The following SKOR1 variants were observed in gnomAD, a reference collection of about 807,000 sequenced individuals.
SKOR1 encodes LBX1 corepressor 1.
A neutral mutation model predicts 72.4 loss-of-function variants in SKOR1; 38 were observed. The ratio of observed to expected loss-of-function variants is 0.52; its 90% CI spans 0.40 to 0.69. The LOEUF (loss-of-function observed/expected upper bound fraction) is 0.69. SKOR1 is among the 30% of genes least tolerant of loss of function. The pLI is 0.00. For synonymous variants in SKOR1, 642 were observed against 599.4 expected (o/e 1.07, Z -1.04); for missense variants, 1,320 against 1,343.2 (o/e 0.98, Z 0.27).
At position 67,828,002 on chromosome 15, in the gene SKOR1, C is replaced by T. The variant is rs1327359790; in HGVS notation, c.2174C>T (p.Pro725Leu). The change falls in exon 2 of 9, where the codon CCA becomes CTA. Residue 725 changes from proline to leucine, a missense_variant. By Grantham distance (98) the Pro-to-Leu change is moderately conservative. Transcript: ENST00000380035. ...CCCCGCCCCCGGCGCCGCCTCGGGC[C>T]ACCCCCAGCTGGCCGGCCCGCATTT... ...GSPRPRRRLG[P>L]PPAGRPAFGD... is the part of the protein sequence containing the mutation. 7.1e-6 allele frequency: 11 copies of T among 1,539,656 alleles called. No individual in the cohort carries two copies. The Admixed American group carries it at 2.0e-4, about 28-fold the overall frequency.
chr15:67,826,701 T>C lies in SKOR1; in HGVS notation c.873T>C (p.Asn291=), dbSNP rs182410854. ...SLQGGGGGGA[N]GGSGGQGKGG... Reference sequence around the variant, plus strand: ...AAGGAGGCGGCGGAGGCGGTGCCAATGGCGGGTCGGGTGGGCAGGGGAAGG... The same window carrying C: ...AAGGAGGCGGCGGAGGCGGTGCCAACGGCGGGTCGGGTGGGCAGGGGAAGG... Residue 291 remains asparagine (N), a synonymous_variant, in exon 2 of 9, where the codon AAT becomes AAC. Transcript: ENST00000380035. 114 of 1,125,084 alleles carry C rather than the reference T, an allele frequency of 1.0e-4. No individual in the cohort carries two copies. The African/African-American group carries it at 1.5e-3, about 15-fold the overall frequency. 69.7% of individuals were successfully genotyped at this position (1,125,084 alleles called of 1,614,324 possible).
rs555609913 is a variant in SKOR1 at position 67,834,189 on chromosome 15, A to T, written c.*353A>T. Reference sequence around the variant, plus strand: ...AGCCTTGAACCCGATTGTGAATACAATGTAGCAACTTCGCTGGCGCCTGCC... The same window carrying T: ...AGCCTTGAACCCGATTGTGAATACATTGTAGCAACTTCGCTGGCGCCTGCC... On this transcript the variant is annotated 3_prime_UTR_variant, in exon 9 of 9. Coordinates refer to ENST00000380035, the MANE Select transcript of SKOR1 (RefSeq NM_001365915.1). The surrounding 1 kb of genome is among the most constrained non-coding windows in gnomAD (Gnocchi z 5.8). The T allele has an allele frequency of 8.6e-6, 3 of 348,212 alleles. No homozygotes were observed. In the Admixed American group the frequency reaches 1.2e-4, roughly 13 times the overall value. 21.6% of individuals were successfully genotyped at this position (348,212 alleles called of 1,614,324 possible).
At chr15:67,830,378 C>A in intron 4 of SKOR1, 80 bp downstream of exon 4, 4 of 1,206,968 alleles carry the variant, frequency 3.3e-6, no homozygotes, top group East Asian at 2.4e-5. Context: ...CAGAGGCTTG[C>A]GAGAAAGGCT....
In SKOR1 at chr15:67,827,069, T is replaced by C. The variant is rs2090965437; in HGVS notation, c.1241T>C (p.Leu414Ser). The change falls in exon 2 of 9, where the codon TTA (leucine) becomes TCA (serine). Residue 414 changes from leucine to serine, a missense_variant. Transcript: ENST00000380035. ...TGCCCCAAAAAGGACGACCCGGTTT[T>C]AGGCGCGGGCGAGCCAAAGGGCGGT... ...GLCPKKDDPV[L>S]GAGEPKGGPG... is the part of the protein sequence containing the mutation. 6.5e-7 allele frequency: 1 copy of C among 1,533,386 alleles called. No individual in the cohort carries two copies. The highest frequency in any genetic ancestry group is 8.7e-7 in the Non-Finnish European group (1 of 1,147,366). 95.0% of individuals were successfully genotyped at this position (1,533,386 alleles called of 1,614,324 possible).
At position 67,827,281 on chromosome 15, in the gene SKOR1, T is replaced by A. The variant is rs2090968677; in HGVS notation, c.1453T>A (p.Tyr485Asn). 2 of 1,584,652 alleles carry A rather than the reference T, an allele frequency of 1.3e-6. No individual in the cohort carries two copies. Among genetic ancestry groups the A allele is most frequent in the Admixed American group, 1.7e-5 (1 of 58,966 alleles). ...TGCAGCGGCCGCCGCCGCCACTGTG[T>A]ACCCGACGTTTCCCATGTTCTGGCC... ...VAAAAAAATV[Y>N]PTFPMFWPAA... Residue 485 changes from tyrosine to asparagine, a missense_variant, in exon 2 of 9, where the codon TAC becomes AAC. Physicochemically the swap from Tyr to Asn is moderately radical, Grantham distance 143. Transcript: ENST00000380035.
At position 67,827,634 on chromosome 15, in the gene SKOR1, C is replaced by G. The variant is rs557655883; in HGVS notation, c.1806C>G (p.Thr602=). The change falls in exon 2 of 9, where the codon ACC becomes ACG. Residue 602 remains threonine (T), a synonymous_variant. Transcript: ENST00000380035. ...VSAFRPVVKD[T]ESIAKLYGSA... is the part of the protein sequence containing the mutation. ...CCTTCCGGCCGGTGGTCAAGGACAC[C>G]GAGAGCATCGCTAAGCTCTACGGGA... 1.3e-6 allele frequency: 2 copies of G among 1,531,250 alleles called. No homozygotes were observed. The highest frequency in any genetic ancestry group is 2.4e-5 in the South Asian group (2 of 83,498). 94.9% of individuals were successfully genotyped at this position (1,531,250 alleles called of 1,614,324 possible).
rs972461654 is a variant in SKOR1 at position 67,827,696 on chromosome 15, G to C, written c.1868G>C (p.Gly623Ala). 16 of 1,537,722 alleles carry C rather than the reference G, an allele frequency of 1.0e-5. No homozygotes were observed. The Admixed American group carries it at 1.6e-4, about 15-fold the overall frequency. ...GCGTACGGCGCGGGGCCTGCTCGGGGGCCGGGACCCGGCGCTGGGAGCGGC... is the reference window on the plus strand; with the variant it reads ...GCGTACGGCGCGGGGCCTGCTCGGGCGCCGGGACCCGGCGCTGGGAGCGGC... ...REAYGAGPAR[G>A]PGPGAGSGGY... The change falls in exon 2 of 9, where the codon GGG (glycine) becomes GCG (alanine). Residue 623 changes from glycine to alanine, a missense_variant. Physicochemically the swap from Gly to Ala is moderately conservative, Grantham distance 60. This residue lies in a region of SKOR1 where 1,099 missense variants were observed against 1,025.5 expected (regional missense o/e 1.07). Transcript: ENST00000380035.
Position 67,833,294 on chromosome 15 carries a change from G to C in SKOR1, c.2803+37G>C. ...GGGAAACAAAGATAGGAGGGGTGCTGGGTGCCGGCCGTGCTGTCGACTGAA... is the reference window on the plus strand; with the variant it reads ...GGGAAACAAAGATAGGAGGGGTGCTCGGTGCCGGCCGTGCTGTCGACTGAA... On this transcript the variant is annotated intron_variant, in intron 8 of 8. Transcript: ENST00000380035. This position sits in a 1 kb window ranked among gnomAD's most constrained non-coding sequence, Gnocchi z 6.0. 6.2e-7 allele frequency: 1 copy of C among 1,608,880 alleles called. No individual in the cohort carries two copies. The highest frequency in any genetic ancestry group is 8.5e-7 in the Non-Finnish European group (1 of 1,175,630).
Position 67,826,251 on chromosome 15 carries a change from C to T in SKOR1, c.423C>T (p.Ala141=). The T allele has an allele frequency of 6.2e-7, 1 of 1,613,038 alleles. No individual in the cohort carries two copies. Among genetic ancestry groups the T allele is most frequent in the East Asian group, 2.2e-5 (1 of 44,880 alleles). ...TPVQLEILRR[A]GAMPISSRRC... ...TACAGCTGGAGATTCTGCGTCGGGC[C>T]GGGGCCATGCCCATCTCGTCGCGCC... The change falls in exon 2 of 9, where the codon GCC becomes GCT. Residue 141 remains alanine (A), a synonymous_variant. Coordinates refer to ENST00000380035, the MANE Select transcript of SKOR1 (RefSeq NM_001365915.1).
Position 67,834,079 on chromosome 15 carries a change from C to G in SKOR1, c.*243C>G. On this transcript the variant is annotated 3_prime_UTR_variant, in exon 9 of 9. Transcript: ENST00000380035. This position sits in a 1 kb window ranked among gnomAD's most constrained non-coding sequence, Gnocchi z 5.8. ...GCCTCGCGCCTCAAATCCCCCTACC[C>G]CGTGTGAACTCTAGGGCATCGGACC... The G allele has an allele frequency of 1.8e-6, 1 of 565,388 alleles. No homozygotes were observed. The highest frequency in any genetic ancestry group is 3.2e-6 in the Non-Finnish European group (1 of 312,940). 35.0% of individuals were successfully genotyped at this position (565,388 alleles called of 1,614,324 possible).
In SKOR1 at chr15:67,830,312, T is replaced by TGAACC. The variant is rs548434727; in HGVS notation, c.2515+15_2515+19dup. Reference sequence around the variant, plus strand: ...ATACAGACAGAGGTGAGCCAGCCCTTGAACCCATCGCTCTCCACCGCACCC... The same window carrying TGAACC: ...ATACAGACAGAGGTGAGCCAGCCCTTGAACCGAACCCATCGCTCTCCACCGCACCC... On this transcript the variant is annotated intron_variant, in intron 4 of 8. Coordinates refer to ENST00000380035, the MANE Select transcript of SKOR1 (RefSeq NM_001365915.1). The TGAACC allele has an allele frequency of 5.2e-3, 8,429 of 1,612,448 alleles. 27 individuals carry two copies. Among genetic ancestry groups the TGAACC allele is most frequent in the Non-Finnish European group, 6.2e-3 (7,250 of 1,178,542 alleles).
rs766169670 is a variant in SKOR1 at position 67,832,060 on chromosome 15, G to A, written c.2588-214G>A. Among the ~76,000 whole-genome samples, 2 of 152,108 alleles carry A rather than the reference G, an allele frequency of 1.3e-5. No homozygotes were observed. Among genetic ancestry groups the A allele is most frequent in the African/African-American group, 2.4e-5 (1 of 41,390 alleles). On this transcript the variant is annotated intron_variant, in intron 5 of 8. Transcript: ENST00000380035. The surrounding 1 kb of genome is among the most constrained non-coding windows in gnomAD (Gnocchi z 4.5). The stretch of plus-strand genomic sequence containing the variant: ...CTGGAGCCAGGGCCTAGATTCCACC[G>A]TCCTGAATTTATTCTCCTGGGCATC...
At position 67,832,488 on chromosome 15, in the gene SKOR1, T is replaced by C. The variant is rs1443271955; in HGVS notation, c.2663-119T>C. The C allele has an allele frequency of 7.7e-7, 1 of 1,300,134 alleles. No individual in the cohort carries two copies. Among genetic ancestry groups the C allele is most frequent in the African/African-American group, 1.5e-5 (1 of 68,536 alleles). The allele number at this position is 1,300,134 out of a possible 1,614,324, so 80.5% of individuals were successfully genotyped here. ...ACAAGAAACTGTCCTTTTCCAGGGC[T>C]GCAGGCGAATGGCTGGGTGGGAGTT... On this transcript the variant is annotated intron_variant, in intron 6 of 8. Transcript: ENST00000380035. This position sits in a 1 kb window ranked among gnomAD's most constrained non-coding sequence, Gnocchi z 4.5.
In SKOR1 at chr15:67,828,068, G is replaced by A; in HGVS notation, c.2240G>A (p.Arg747Lys). Reference protein sequence around the residue: ...AAEDLVRRPERSPPSGGGGYE... With the variant: ...AAEDLVRRPEKSPPSGGGGYE... ...GAAGACTTGGTGCGGAGACCTGAGA[G>A]GAGCCCGCCAAGCGGCGGCGGCGGC... is the stretch of plus-strand genomic sequence containing the variant. Residue 747 changes from arginine (R) to lysine (K), a missense_variant, in exon 2 of 9, where the codon AGG becomes AAG. Physicochemically the swap from Arg to Lys is conservative, Grantham distance 26. Coordinates refer to ENST00000380035, the MANE Select transcript of SKOR1 (RefSeq NM_001365915.1). The A allele has an allele frequency of 6.5e-7, 1 of 1,531,018 alleles. No individual in the cohort carries two copies. Among genetic ancestry groups the A allele is most frequent in the South Asian group, 1.2e-5 (1 of 82,828 alleles). The allele number at this position is 1,531,018 out of a possible 1,614,324, so 94.8% of individuals were successfully genotyped here.
chr15:67,825,694 C>T lies in SKOR1; in HGVS notation c.92C>T (p.Ala31Val), dbSNP rs116336781. 3,200 of 745,484 alleles carry T rather than the reference C, an allele frequency of 4.3e-3. 47 individuals are homozygous for T. Among genetic ancestry groups the T allele is most frequent in the African/African-American group, 0.037 (2,115 of 57,820 alleles). 46.2% of individuals were successfully genotyped at this position (745,484 alleles called of 1,614,324 possible). A position where few individuals can be genotyped will look rare whatever the true frequency, so the allele number is the denominator to read the frequency against. ...GAAAACGGGATTGGGTTCCTTGCAGCCCGGGCATTCCTGAGGTCTCCTTTA... is the reference window on the plus strand; with the variant it reads ...GAAAACGGGATTGGGTTCCTTGCAGTCCGGGCATTCCTGAGGTCTCCTTTA... ...QSENGIGFLA[A>V]RAFLRSGGME... is the part of the protein sequence containing the mutation. The change falls in exon 1 of 9, where the codon GCC (alanine) becomes GTC (valine). Residue 31 changes from alanine (A) to valine (V), a missense_variant. This residue lies in a region of SKOR1 where 120 missense variants were observed against 104.9 expected (regional missense o/e 1.14). Coordinates refer to ENST00000380035, the MANE Select transcript of SKOR1 (RefSeq NM_001365915.1). The surrounding 1 kb of genome is among the most constrained non-coding windows in gnomAD (Gnocchi z 5.6).
chr15:67,828,623 G>T (rs1011841393), intron 2 of SKOR1, among the ~76,000 whole-genome samples: 1 of 152,098 alleles, frequency 6.6e-6, no homozygotes, highest in Non-Finnish European at 1.5e-5. Context: ...ACCCCAACTC[G>T]CAGTTTTCCG....
rs774689995 is a variant in SKOR1 at position 67,827,987 on chromosome 15, G to A, written c.2159G>A (p.Arg720Gln). The A allele has an allele frequency of 1.3e-6, 2 of 1,539,552 alleles. No individual in the cohort carries two copies. Among genetic ancestry groups the A allele is most frequent in the Non-Finnish European group, 1.7e-6 (2 of 1,144,810 alleles). ...CCCGACGGCGGCAGCCCCCGCCCCC[G>A]GCGCCGCCTCGGGCCACCCCCAGCT... ...NSPDGGSPRP[R>Q]RRLGPPPAGR... Residue 720 changes from arginine (R) to glutamine (Q), a missense_variant, in exon 2 of 9, where the codon CGG becomes CAG. This residue lies in a region of SKOR1 where 1,099 missense variants were observed against 1,025.5 expected (regional missense o/e 1.07). Transcript: ENST00000380035.
rs373896064 is a variant in SKOR1, at chr15:67,832,547, G to A, written c.2663-60G>A. On this transcript the variant is annotated intron_variant, in intron 6 of 8. Transcript: ENST00000380035. The surrounding 1 kb of genome is among the most constrained non-coding windows in gnomAD (Gnocchi z 4.5). Reference sequence around the variant, plus strand: ...GGGTGAAAGGGGGGGCCAGGAGTGAGAAAGTGGAGCCGGGAGAGGGGGCTG... The same window carrying A: ...GGGTGAAAGGGGGGGCCAGGAGTGAAAAAGTGGAGCCGGGAGAGGGGGCTG... 9.9e-6 allele frequency: 15 copies of A among 1,515,842 alleles called. No individual in the cohort carries two copies. Among genetic ancestry groups the A allele is most frequent in the African/African-American group, 6.8e-5 (5 of 73,000 alleles). 93.9% of individuals were successfully genotyped at this position (1,515,842 alleles called of 1,614,324 possible).
chr15:67,826,398 C>A lies in SKOR1; in HGVS notation c.570C>A (p.Gly190=). Residue 190 remains glycine (G), a synonymous_variant, in exon 2 of 9, where the codon GGC becomes GGA. Coordinates refer to ENST00000380035, the MANE Select transcript of SKOR1 (RefSeq NM_001365915.1). ...ATGTGGTGCACGAGTGCGCGTGGGG[C>A]TCGCGTGGTAGCTTCATCCCTGCGC... The part of the protein sequence containing the change: ...AFDVVHECAW[G]SRGSFIPARY... 1 of 1,613,946 alleles carries A rather than the reference C, an allele frequency of 6.2e-7. No homozygotes were observed. The highest frequency in any genetic ancestry group is 1.1e-5 in the South Asian group (1 of 91,092).
Sources: allele counts gnomAD v4.1 joint callset (sites outside exome capture counted in the v4.1 genomes callset), GRCh38; gene constraint gnomAD v4.1.1; regional missense constraint gnomAD v4.1.1; non-coding constraint Gnocchi (gnomAD v3.1); transcripts MANE v1.5; gene names NCBI Gene and HGNC (gene_info 2026-07-23, HGNC 2026-07-21).